The following TRPM3 variants were observed in gnomAD, a reference collection of about 807,000 sequenced individuals.
TRPM3 encodes the protein long transient receptor potential channel 3.
TRPM3 carries 77 observed loss-of-function variants against 181.2 expected under a neutral mutation model. The observed-to-expected ratio is 0.42, with a 90% CI of 0.35 to 0.51. The LOEUF (loss-of-function observed/expected upper bound fraction) is 0.51. TRPM3 is among the 20% of genes least tolerant of loss of function. The probability of loss-of-function intolerance (pLI) is 0.01; values close to 1 mark genes in which losing one functional copy is unlikely to be tolerated. For synonymous variants in TRPM3, 745 were observed against 796.4 expected (o/e 0.94, Z 1.09); for missense variants, 1,759 against 2,196.7 (o/e 0.80, Z 3.98).
chr9:71,375,651 C>A (rs960938083), intron 1 of TRPM3, among the ~76,000 whole-genome samples: 3 of 152,104 alleles, frequency 2.0e-5, no homozygotes, highest in African/African-American at 7.2e-5. Flanking sequence ...TATCCAGAAT[C>A]TACAAGGAAC....
chr9:71,379,706 T>A (rs80140400), intron 1 of TRPM3, among the ~76,000 whole-genome samples: 31 of 151,684 alleles, frequency 2.0e-4, no homozygotes, highest in Admixed American at 3.3e-4. Flanking sequence ...TCTTTTTTTT[T>A]AATTCAAATA....
chr9:71,420,416 T>A (rs1018668933), intron 1 of TRPM3, among the ~76,000 whole-genome samples: 1 of 151,784 alleles, frequency 6.6e-6, no homozygotes, highest in Non-Finnish European at 1.5e-5. Context: ...TAGCAGAATA[T>A]GCCACCCTAA....
chr9:71,229,543 A>G (rs566020343), intron 1 of TRPM3, among the ~76,000 whole-genome samples: 2 of 152,326 alleles, frequency 1.3e-5, no homozygotes, highest in African/African-American at 2.4e-5. Context: ...ATGTGAGGAA[A>G]TATTTGCAAA....
At chr9:71,207,220 G>T (rs530133038) in intron 1 of TRPM3, among the ~76,000 whole-genome samples, 89 of 152,116 alleles carry the variant, frequency 5.9e-4, no homozygotes, top group African/African-American at 2.1e-3. Context: ...AAAACACCAT[G>T]CTGCTAACAA....
rs568221913 is a variant in TRPM3 at position 70,856,007 on chromosome 9, G to A, written c.462+6901C>T. ...TATTGTTTTTGCAATGTCTTAATAT[G>A]AGATATCAGGTACTTACAGGGGATG... On this transcript the variant is annotated intron_variant, in intron 3 of 25. Coordinates refer to ENST00000677713, the MANE Select transcript of TRPM3 (RefSeq NM_001366145.2). Among the ~76,000 whole-genome samples the A allele has an allele frequency of 9.1e-4, 138 of 152,252 alleles. 1 individual carries two copies. The highest frequency in any genetic ancestry group is 3.2e-3 in the African/African-American group (133 of 41,534).
intron 1 of TRPM3, among the ~76,000 whole-genome samples, chr9:70,930,632 T>C (rs2096767018): frequency 6.6e-6 from 1 of 152,190 alleles, no homozygotes. Context: ...TTAGCAGGCA[T>C]TATGGCATAA....
chr9:70,656,987 T>C (rs1419744615), intron 9 of TRPM3, among the ~76,000 whole-genome samples: 1 of 151,642 alleles, frequency 6.6e-6, no homozygotes, highest in Non-Finnish European at 1.5e-5. Flanking sequence ...GAATCTTACA[T>C]GGTAAATGTA....
At chr9:71,152,190 A>G (rs1177667945) in intron 1 of TRPM3, among the ~76,000 whole-genome samples, 1 of 152,152 alleles carries the variant, frequency 6.6e-6, no homozygotes, top group Non-Finnish European at 1.5e-5. Flanking sequence ...ATAAACTGTA[A>G]GATAAATGAT....
intron 1 of TRPM3, among the ~76,000 whole-genome samples, chr9:71,154,764 A>G (rs1170250653): frequency 6.6e-6 from 1 of 152,164 alleles, no homozygotes; most frequent in African/African-American, 2.4e-5. Context: ...CCATCTCTAC[A>G]AAAGGAATTT....
At chr9:71,391,275 A>C (rs2132949021) in intron 1 of TRPM3, among the ~76,000 whole-genome samples, 1 of 152,146 alleles carries the variant, frequency 6.6e-6, no homozygotes, top group South Asian at 2.1e-4. Flanking sequence ...TTTACACAAC[A>C]GGAAACAGAA....
At chr9:71,294,063 T>C (rs2086050012) in intron 1 of TRPM3, among the ~76,000 whole-genome samples, 1 of 151,956 alleles carries the variant, frequency 6.6e-6, no homozygotes, top group South Asian at 2.1e-4. Flanking sequence ...TTTGAGAAAA[T>C]GTAGGCGATT....
At chr9:70,852,824 C>G (rs549787616) in intron 3 of TRPM3, among the ~76,000 whole-genome samples, 36 of 152,324 alleles carry the variant, frequency 2.4e-4, no homozygotes, top group African/African-American at 8.7e-4. Flanking sequence ...CTAGATAATG[C>G]AATCTCTCCC....
At chr9:71,062,934 CTTTAT>C (rs1397547086) in intron 1 of TRPM3, among the ~76,000 whole-genome samples, 1 of 152,050 alleles carries the variant, frequency 6.6e-6, no homozygotes, top group African/African-American at 2.4e-5. Context: ...CATTTCTTTT[CTTTAT>C]AAGTTACCCA....
intron 1 of TRPM3, among the ~76,000 whole-genome samples, chr9:71,325,372 A>T (rs1330325151): frequency 6.6e-6 from 1 of 152,146 alleles, no homozygotes; most frequent in Admixed American, 6.5e-5. Flanking sequence ...ACCTTTGAAG[A>T]CTGCTGGTAT....
At chr9:71,346,066 A>G (rs2091274134) in intron 1 of TRPM3, among the ~76,000 whole-genome samples, 1 of 152,218 alleles carries the variant, frequency 6.6e-6, no homozygotes. Context: ...ATATTCTTTA[A>G]AAGAATTGTA....
At chr9:70,953,581 G>A (rs3010426) in intron 1 of TRPM3, among the ~76,000 whole-genome samples, 114,236 of 152,044 alleles carry the variant, frequency 0.75, 43,222 homozygotes, top group African/African-American at 0.79. Context: ...TTTGTAGGCC[G>A]TAAAAATGGT....
chr9:70,776,434 T>G (rs1484304504), intron 7 of TRPM3: 1 of 713,988 alleles, frequency 1.4e-6, no homozygotes, highest in South Asian at 1.5e-5. Context: ...CTAAATACCT[T>G]TGCTTTCCTC....
chr9:71,216,893 T>C (rs981895249), intron 1 of TRPM3, among the ~76,000 whole-genome samples: 2 of 151,638 alleles, frequency 1.3e-5, no homozygotes, highest in African/African-American at 4.8e-5. Flanking sequence ...ATTGCTGTAA[T>C]TTGTACAGCA....
At chr9:71,352,953 T>C (rs551137714) in intron 1 of TRPM3, among the ~76,000 whole-genome samples, 1 of 152,240 alleles carries the variant, frequency 6.6e-6, no homozygotes, top group South Asian at 2.1e-4. Flanking sequence ...GGAGTCAAAC[T>C]ATCCTGGCTT....
Sources: allele counts gnomAD v4.1 joint callset (sites outside exome capture counted in the v4.1 genomes callset), GRCh38; gene constraint gnomAD v4.1.1; transcripts MANE v1.5; gene names NCBI Gene and HGNC (gene_info 2026-07-23, HGNC 2026-07-21).